The following KIF25 variants were observed in gnomAD, a reference collection of about 807,000 sequenced individuals.
The protein encoded by KIF25 is kinesin family member 25, also known as kinesin-like protein KIF25.
KIF25 carries 19 observed loss-of-function variants against 32.9 expected under a neutral mutation model. The ratio of observed to expected loss-of-function variants is 0.58; its 90% CI spans 0.40 to 0.85. The LOEUF (loss-of-function observed/expected upper bound fraction) is 0.85, where lower values mean the gene tolerates loss of function less well. Ranked by LOEUF, KIF25 falls within the 40% of genes least tolerant of loss-of-function variation. The pLI is 0.00. For synonymous variants in KIF25, 225 were observed against 213.7 expected, an observed-to-expected ratio of 1.05 and a Z score of -0.46; for missense variants, 485 against 507.0, an observed-to-expected ratio of 0.96 and a Z score of 0.42.
At chr6:168,039,797 G>A (rs1458096735) in intron 9 of KIF25, among the ~76,000 whole-genome samples, 1 of 152,200 alleles carries the variant, frequency 6.6e-6, no homozygotes, top group African/African-American at 2.4e-5. Flanking sequence ...AAAGGAATAG[G>A]TGATGTTGAA....
chr6:168,033,430 G>A (rs1287851674), intron 7 of KIF25, among the ~76,000 whole-genome samples: 2 of 151,202 alleles, frequency 1.3e-5, no homozygotes, highest in Admixed American at 1.3e-4. Context: ...AACCCAGGAG[G>A]CAGAGGTTGC....
intron 8 of KIF25, among the ~76,000 whole-genome samples, 180 bp from the exon 9 acceptor site, chr6:168,038,373 C>T (rs548586500): frequency 6.6e-6 from 1 of 152,178 alleles, no homozygotes. Context: ...ATTCACCCTA[C>T]AACCTAAATG....
At chr6:168,003,993 A>T (rs539019144) in intron 4 of KIF25, among the ~76,000 whole-genome samples, 1 of 152,342 alleles carries the variant, frequency 6.6e-6, no homozygotes, top group South Asian at 2.1e-4. Flanking sequence ...AGGAAAAGAG[A>T]TATAAATATA....
At chr6:168,011,522 C>T (rs1037748140) in intron 4 of KIF25, among the ~76,000 whole-genome samples, 4 of 152,120 alleles carry the variant, frequency 2.6e-5, no homozygotes, top group African/African-American at 9.7e-5. Flanking sequence ...ACTATATTAT[C>T]CCATTCTCTC....
intron 4 of KIF25, among the ~76,000 whole-genome samples, chr6:168,009,662 T>C (rs1189401015): frequency 6.6e-6 from 1 of 152,192 alleles, no homozygotes; most frequent in Non-Finnish European, 1.5e-5. Flanking sequence ...TAATTATTCT[T>C]TAAAGGTTTG....
intron 5 of KIF25, among the ~76,000 whole-genome samples, chr6:168,024,912 G>A (rs1341194879): frequency 6.6e-6 from 1 of 152,098 alleles, no homozygotes; most frequent in South Asian, 2.1e-4. Context: ...TTAGCTGGGC[G>A]TGGTGGCACA....
chr6:168,040,296 T>C, intron 10 of KIF25, 80 bp downstream of exon 10: 3 of 1,409,890 alleles, frequency 2.1e-6, no homozygotes, highest in South Asian at 1.4e-5. Context: ...CCAGGCACAG[T>C]GGCTCACGCC....
intron 4 of KIF25, among the ~76,000 whole-genome samples, chr6:168,007,403 C>T (rs1474984345): frequency 1.3e-5 from 2 of 152,120 alleles, no homozygotes; most frequent in Non-Finnish European, 2.9e-5. Flanking sequence ...AAGAATGAGA[C>T]TCCATCTCAA....
At chr6:168,006,225 C>T (rs577544589) in intron 4 of KIF25, among the ~76,000 whole-genome samples, 51 of 147,776 alleles carry the variant, frequency 3.5e-4, no homozygotes, top group Non-Finnish European at 4.0e-4. Flanking sequence ...TTTTTTTTAG[C>T]GATGGGGGGG....
intron 5 of KIF25, among the ~76,000 whole-genome samples, chr6:168,028,670 T>C (rs1798898819): frequency 6.6e-6 from 1 of 152,250 alleles, no homozygotes; most frequent in African/African-American, 2.4e-5. Context: ...GGTAAGTTTA[T>C]AAACCAACTT....
intron 8 of KIF25, chr6:168,035,727 T>A (rs1188477726): frequency 2.2e-6 from 1 of 456,198 alleles, no homozygotes; most frequent in African/African-American, 2.0e-5. Context: ...TCGGGTGCTG[T>A]GCGTCTCCCT....
chr6:168,001,667 G>GA (rs1394782221), intron 2 of KIF25, among the ~76,000 whole-genome samples: 2 of 104,906 alleles, frequency 1.9e-5, no homozygotes, highest in African/African-American at 4.0e-5. Context: ...GGGCAGGTGA[G>GA]AAGACACCTG....
intron 4 of KIF25, among the ~76,000 whole-genome samples, chr6:168,016,918 T>A (rs1298244863): frequency 6.6e-6 from 1 of 152,228 alleles, no homozygotes; most frequent in Non-Finnish European, 1.5e-5. Context: ...TGGCGTTCCG[T>A]CATTGCTTCC....
Position 168,042,706 on chromosome 6 carries a change from G to C in KIF25, c.975G>C (p.Gln325His). 1 of 1,610,634 alleles carries C rather than the reference G, an allele frequency of 6.2e-7. No homozygotes were observed. Among genetic ancestry groups the C allele is most frequent in the Non-Finnish European group, 8.5e-7 (1 of 1,179,196 alleles). The change falls in exon 12 of 13, where the codon CAG becomes CAC. Residue 325 changes from glutamine (Q) to histidine (H), a missense_variant. This residue lies in a region of KIF25 where 480 missense variants were observed against 470.3 expected (regional missense o/e 1.02). Transcript: ENST00000643607. ...YRNSRLTHLLQDCLGGDAKLL... is the reference protein window; with the variant it reads ...YRNSRLTHLLHDCLGGDAKLL... ...ACAGCAGGCTCACCCACCTCCTTCA[G>C]GACTGCCTCGGTAACCGTTTTCCCC...
At chr6:168,020,470 T>TAA (rs77182863) in intron 5 of KIF25, among the ~76,000 whole-genome samples, 2 of 145,022 alleles carry the variant, frequency 1.4e-5, no homozygotes, top group Admixed American at 6.9e-5. Context: ...TTTTTCTTAT[T>TAA]AAAAAAAAAA....
chr6:168,037,177 G>A (rs57292658), intron 8 of KIF25, among the ~76,000 whole-genome samples: 86 of 152,242 alleles, frequency 5.6e-4, no homozygotes, highest in African/African-American at 2.0e-3. Flanking sequence ...TGAACCTGTC[G>A]AATCCAAATC....
At chr6:168,000,264 C>T (rs1197267964) in intron 2 of KIF25, among the ~76,000 whole-genome samples, 1 of 132,002 alleles carries the variant, frequency 7.6e-6, no homozygotes, top group Non-Finnish European at 1.6e-5. Context: ...CTGACCTTCT[C>T]GCCCTCCCTC....
intron 11 of KIF25, 115 bp from the exon 12 acceptor site, chr6:168,042,446 C>T (rs138232362): frequency 2.7e-4 from 347 of 1,306,152 alleles, no homozygotes; most frequent in African/African-American, 5.1e-4. Context: ...ATGCCTGTCC[C>T]GTCCATGGCC....
chr6:168,010,491 C>G (rs1363953888), intron 4 of KIF25, among the ~76,000 whole-genome samples: 1 of 152,006 alleles, frequency 6.6e-6, no homozygotes, highest in Non-Finnish European at 1.5e-5. Context: ...GAATAAGACA[C>G]TAGATGTGGT....
Sources: gnomAD v4.1 joint callset for allele counts (sites outside exome capture counted in the v4.1 genomes callset) on GRCh38, gnomAD v4.1.1 for gene constraint, gnomAD v4.1.1 regional missense constraint, MANE v1.5 for transcripts, NCBI Gene and HGNC (gene_info 2026-07-23, HGNC 2026-07-21) for gene names.